TASP1: variants seen among roughly 807,000 people sequenced by gnomAD.
TASP1 encodes the protein threonine aspartase 1.
In TASP1, 16 loss-of-function variants were observed where a neutral mutation model predicts 56.6. The observed-to-expected ratio is 0.28, with a 90% CI of 0.19 to 0.43. The LOEUF (loss-of-function observed/expected upper bound fraction) is 0.43. TASP1 is among the 20% of genes least tolerant of loss of function. The pLI is 1.00. For missense variants in TASP1, 393 were observed against 511.6 expected (o/e 0.77, Z 2.24); for synonymous variants, 179 against 184.2 (o/e 0.97, Z 0.23).
At chr20:13,116,718 G>C in the TASP1 span, among the ~76,000 whole-genome samples, 1 of 152,200 alleles carries the variant, frequency 6.6e-6, no homozygotes, top group Non-Finnish European at 1.5e-5. Context: ...TAAAACAAAA[G>C]AGTTCATCTA....
At chr20:13,337,635 G>A in the TASP1 span, among the ~76,000 whole-genome samples, 5 of 152,204 alleles carry the variant, frequency 3.3e-5, no homozygotes, top group East Asian at 1.9e-4. Flanking sequence ...TCATCAGACA[G>A]GTTCTATTAA....
intron 5 of TASP1, among the ~76,000 whole-genome samples, chr20:13,583,967 T>C (rs2047213289): frequency 6.6e-6 from 1 of 152,092 alleles, no homozygotes; most frequent in Non-Finnish European, 1.5e-5. Context: ...TTATCCCAGT[T>C]ACTCAGGAGG....
At chr20:13,189,399 CTG>C in the TASP1 span, among the ~76,000 whole-genome samples, 1 of 152,102 alleles carries the variant, frequency 6.6e-6, no homozygotes, top group African/African-American at 2.4e-5. Context: ...TATTTGCAAA[CTG>C]TGCATCTGAC....
chr20:13,360,501 T>A, the TASP1 span, among the ~76,000 whole-genome samples: 30,548 of 149,366 alleles, frequency 0.2, 2,793 homozygotes, highest in African/African-American at 0.37. Flanking sequence ...GTTAGCGCGG[T>A]CAGAATTCTT....
the TASP1 span, among the ~76,000 whole-genome samples, chr20:13,308,885 C>A: frequency 6.6e-6 from 1 of 152,068 alleles, no homozygotes; most frequent in East Asian, 1.9e-4. Flanking sequence ...AGCTCTCTTG[C>A]CCTCTTTCCA....
the TASP1 span, among the ~76,000 whole-genome samples, chr20:13,132,320 G>A: frequency 1.3e-5 from 2 of 151,618 alleles, no homozygotes; most frequent in Non-Finnish European, 2.9e-5. Context: ...GGGACTACAG[G>A]AACCCACCGC....
chr20:13,469,320 A>G (rs1305182841), intron 11 of TASP1, among the ~76,000 whole-genome samples: 2 of 152,140 alleles, frequency 1.3e-5, no homozygotes, highest in Non-Finnish European at 2.9e-5. Flanking sequence ...CTCCAAATGT[A>G]CAAAATGTAT....
the TASP1 span, among the ~76,000 whole-genome samples, chr20:13,361,599 C>T: frequency 0.011 from 1,653 of 152,290 alleles, 32 homozygotes; most frequent in African/African-American, 0.036. Context: ...CCTGTATAGA[C>T]GCCTTTTTAT....
At chr20:13,459,887 A>G (rs1294119044) in intron 11 of TASP1, among the ~76,000 whole-genome samples, 3 of 152,054 alleles carry the variant, frequency 2.0e-5, no homozygotes, top group Non-Finnish European at 4.4e-5. Flanking sequence ...CACATCATTA[A>G]TTTGTCTCTT....
At chr20:13,395,367 T>C (rs977442063) in intron 13 of TASP1, among the ~76,000 whole-genome samples, 3 of 152,236 alleles carry the variant, frequency 2.0e-5, no homozygotes, top group African/African-American at 7.2e-5. Context: ...CCACGTGCTT[T>C]TGAAGAAACA....
intron 6 of TASP1, among the ~76,000 whole-genome samples, chr20:13,575,125 A>G (rs1442747302): frequency 1.3e-5 from 2 of 152,212 alleles, no homozygotes; most frequent in Non-Finnish European, 2.9e-5. Flanking sequence ...ATTATGACCA[A>G]GTAGAATTTA....
chr20:13,233,477 C>T, the TASP1 span, among the ~76,000 whole-genome samples: 1 of 151,790 alleles, frequency 6.6e-6, no homozygotes, highest in African/African-American at 2.4e-5. Context: ...TTCCTGTAAT[C>T]CCAGCTACTC....
chr20:13,433,912 C>T (rs529034674), intron 12 of TASP1, among the ~76,000 whole-genome samples: 86 of 148,326 alleles, frequency 5.8e-4, no homozygotes, highest in African/African-American at 2.1e-3. Flanking sequence ...GAATATAACA[C>T]AGCAATGAAA....
rs568266988 is a variant in TASP1, at chr20:13,423,955, A to T, written c.1097-6434T>A. Among the ~76,000 whole-genome samples the T allele has an allele frequency of 9.2e-5, 14 of 152,286 alleles. No homozygotes were observed. In the South Asian group the frequency reaches 2.9e-3, roughly 32 times the overall value. ...AAACGTCCAATTTGTTTCTTGTCTC[A>T]TGATTATCTAAAACATAAGCAAATC... On this transcript the variant is annotated intron_variant, in intron 12 of 13. Transcript: ENST00000337743.
In TASP1 at chr20:13,483,240, T is replaced by C; in HGVS notation, c.972A>G (p.Gln324=). 6.3e-7 allele frequency: 1 copy of C among 1,585,052 alleles called. No individual in the cohort carries two copies. Among genetic ancestry groups the C allele is most frequent in the Non-Finnish European group, 8.6e-7 (1 of 1,165,942 alleles). The change falls in exon 11 of 14, where the codon CAA becomes CAG. Residue 324 remains glutamine, a synonymous_variant. Coordinates refer to ENST00000337743, the MANE Select transcript of TASP1 (RefSeq NM_017714.3). The stretch of plus-strand genomic sequence containing the variant: ...TGTTATACTTACTGATAAACTTGTT[T>C]TGCATAGTCTCCAACAGGGCTTGGT... ...DAHQALLETM[Q]NKFISSPFLA...
chr20:13,492,335 A>G (rs1600985779), intron 10 of TASP1, among the ~76,000 whole-genome samples: 1 of 152,198 alleles, frequency 6.6e-6, no homozygotes, highest in East Asian at 1.9e-4. Flanking sequence ...TTTAAAAGGA[A>G]ACATTTGGTA....
intron 7 of TASP1, among the ~76,000 whole-genome samples, chr20:13,568,601 A>T (rs1395711948): frequency 2.6e-5 from 4 of 152,158 alleles, no homozygotes; most frequent in Non-Finnish European, 5.9e-5. Context: ...ACATTTCATT[A>T]TAAGAATATA....
the TASP1 span, among the ~76,000 whole-genome samples, chr20:13,221,262 CTT>C: frequency 7.6e-6 from 1 of 132,062 alleles, no homozygotes; most frequent in Admixed American, 7.1e-5. Context: ...CCTCCTCCTC[CTT>C]CTCCTTCTCC....
chr20:13,292,289 G>T, the TASP1 span: 1 of 813,462 alleles, frequency 1.2e-6, no homozygotes, highest in Non-Finnish European at 2.0e-6. Context: ...GCTTTGTTCA[G>T]GTGTATTTAT....
Sources: gnomAD v4.1 joint callset for allele counts (sites outside exome capture counted in the v4.1 genomes callset) on GRCh38, gnomAD v4.1.1 for gene constraint, MANE v1.5 for transcripts, NCBI Gene and HGNC (gene_info 2026-07-23, HGNC 2026-07-21) for gene names.